The following GRIK3 variants were observed in gnomAD, a reference collection of about 807,000 sequenced individuals.
GRIK3 encodes glutamate ionotropic receptor kainate type subunit 3.
Under a neutral mutation model 102.5 loss-of-function variants are expected in GRIK3, and 29 were observed. The observed-to-expected ratio is 0.28, with a 90% CI of 0.21 to 0.39. The LOEUF (loss-of-function observed/expected upper bound fraction) is 0.39. Ranked by LOEUF, GRIK3 falls within the 10% of genes least tolerant of loss-of-function variation. The pLI, the probability that GRIK3 is intolerant of heterozygous loss-of-function variation, is 1.00. For missense variants in GRIK3, 908 were observed against 1,252.4 expected, an observed-to-expected ratio of 0.73 and a Z score of 4.15; for synonymous variants, 511 against 504.9, an observed-to-expected ratio of 1.01 and a Z score of -0.16.
chr1:36,825,862 G>T, intron 10 of GRIK3, 36 bp from the exon 11 acceptor site: 1 of 1,450,566 alleles, frequency 6.9e-7, no homozygotes, highest in Non-Finnish European at 9.5e-7. Context: ...CAGACTATGA[G>T]CAAAGTCTCA....
At position 36,825,624 on chromosome 1, in the gene GRIK3, C is replaced by T. The variant is rs373553408; in HGVS notation, c.1733G>A (p.Cys578Tyr). The change falls in exon 11 of 16, where the codon TGT becomes TAT. Residue 578 changes from cysteine to tyrosine, a missense_variant. Physicochemically the swap from Cys to Tyr is radical, Grantham distance 194. Around this residue, in one of 3 missense-constraint regions of GRIK3, gnomAD observed 585 missense variants for 824.9 expected, o/e 0.71. Coordinates refer to ENST00000373091, the MANE Select transcript of GRIK3 (RefSeq NM_000831.4). ...TTACCTGGCGATGACGAAGAGGACA[C>T]AGCTGACCCCCAGGTAGGCGAGGAG... Reference protein sequence around the residue: ...YVLLAYLGVSCVLFVIARFSP... With the variant: ...YVLLAYLGVSYVLFVIARFSP... 1.3e-6 allele frequency: 2 copies of T among 1,597,962 alleles called. No homozygotes were observed. Among genetic ancestry groups the T allele is most frequent in the African/African-American group, 2.7e-5 (2 of 74,536 alleles).
chr1:36,813,463 C>T (rs906186844), intron 13 of GRIK3, among the ~76,000 whole-genome samples: 1 of 152,204 alleles, frequency 6.6e-6, no homozygotes, highest in African/African-American at 2.4e-5. Flanking sequence ...GGGAAGACCA[C>T]CTCTCTAGGA....
At chr1:37,003,348 C>T (rs1363491344) in intron 1 of GRIK3, among the ~76,000 whole-genome samples, 1 of 152,002 alleles carries the variant, frequency 6.6e-6, no homozygotes, top group African/African-American at 2.4e-5. Flanking sequence ...AAAATTAAGC[C>T]CAGCCAATGG....
At chr1:37,001,930 A>C (rs1004346352) in intron 1 of GRIK3, among the ~76,000 whole-genome samples, 4 of 152,182 alleles carry the variant, frequency 2.6e-5, no homozygotes, top group African/African-American at 9.7e-5. Flanking sequence ...AGGCCTCACA[A>C]CTAGGGAGAG....
At chr1:36,996,958 G>A (rs997472624) in intron 1 of GRIK3, among the ~76,000 whole-genome samples, 7 of 152,184 alleles carry the variant, frequency 4.6e-5, no homozygotes, top group African/African-American at 1.2e-4. Flanking sequence ...GGGATGCTGC[G>A]AAGCATTCTA....
At chr1:36,967,057 T>C (rs1301967527) in intron 1 of GRIK3, among the ~76,000 whole-genome samples, 1 of 152,222 alleles carries the variant, frequency 6.6e-6, no homozygotes, top group Non-Finnish European at 1.5e-5. Context: ...GGTCTTGTGT[T>C]GGGCCCCTTT....
chr1:36,813,791 TG>T (rs201779818), intron 13 of GRIK3, among the ~76,000 whole-genome samples: 2 of 118,060 alleles, frequency 1.7e-5, no homozygotes, highest in Admixed American at 8.5e-5. Flanking sequence ...TCATCTGAGG[TG>T]GGGGGGCAGT....
In GRIK3 at chr1:36,841,918, G is replaced by T. The variant is rs750144839; in HGVS notation, c.1348C>A (p.Arg450=). Residue 450 remains arginine (R), a synonymous_variant, in exon 10 of 16, where the codon CGG becomes AGG. Coordinates refer to ENST00000373091, the MANE Select transcript of GRIK3 (RefSeq NM_000831.4). ...CCGTATAGCGTCCTGTCTGATTTCC[G>T]AAACATGACGAAGGGCTCCTCCTGC... ...TVLEEPFVMF[R]KSDRTLYGND... 7 of 1,614,022 alleles carry T rather than the reference G, an allele frequency of 4.3e-6. No individual in the cohort carries two copies. Among genetic ancestry groups the T allele is most frequent in the Middle Eastern group, 1.6e-4 (1 of 6,080 alleles).
At chr1:36,837,210 G>A (rs1198150183) in intron 10 of GRIK3, among the ~76,000 whole-genome samples, 2 of 152,038 alleles carry the variant, frequency 1.3e-5, no homozygotes, top group Non-Finnish European at 2.9e-5. Flanking sequence ...CTAGAGCTCA[G>A]CCTCCAGCCC....
At chr1:36,950,608 G>A (rs1440528559) in intron 1 of GRIK3, among the ~76,000 whole-genome samples, 1 of 152,228 alleles carries the variant, frequency 6.6e-6, no homozygotes, top group East Asian at 1.9e-4. Flanking sequence ...TGTGCAGACG[G>A]TGGGGTGACA....
chr1:36,949,344 A>G (rs1641817675), intron 1 of GRIK3, among the ~76,000 whole-genome samples: 1 of 151,752 alleles, frequency 6.6e-6, no homozygotes, highest in South Asian at 2.1e-4. Flanking sequence ...GAGGGCCCTC[A>G]CTCTGTCTCT....
chr1:36,941,856 A>G (rs16823681), intron 1 of GRIK3, among the ~76,000 whole-genome samples: 2,861 of 152,282 alleles, frequency 0.019, 88 homozygotes, highest in African/African-American at 0.058. Context: ...ATTCCACTGC[A>G]ATATAAGCCC....
At chr1:36,886,619 T>C (rs146851745) in intron 2 of GRIK3, among the ~76,000 whole-genome samples, 178 of 152,284 alleles carry the variant, frequency 1.2e-3, no homozygotes, top group African/African-American at 4.1e-3. Flanking sequence ...CACAGGGACA[T>C]TGAGGGTTGC....
chr1:36,824,918 A>G (rs1642738779), intron 11 of GRIK3, among the ~76,000 whole-genome samples: 1 of 152,164 alleles, frequency 6.6e-6, no homozygotes, highest in Admixed American at 6.5e-5. Flanking sequence ...TCTTTAAGGG[A>G]GGCTGGAAGA....
intron 13 of GRIK3, among the ~76,000 whole-genome samples, chr1:36,811,178 C>T (rs1003107431): frequency 3.3e-5 from 5 of 151,896 alleles, no homozygotes; most frequent in Admixed American, 1.3e-4. Context: ...CATAGGTGGC[C>T]GGAGTCACTC....
intron 1 of GRIK3, among the ~76,000 whole-genome samples, chr1:37,033,184 G>C (rs490593): frequency 0.17 from 26,495 of 152,276 alleles, 3,290 homozygotes; most frequent in African/African-American, 0.34. Flanking sequence ...AAGAGTCTCC[G>C]GCGAGAAGAG....
intron 13 of GRIK3, 134 bp downstream of exon 13, chr1:36,816,926 G>C: frequency 1.5e-6 from 1 of 645,894 alleles, no homozygotes; most frequent in Admixed American, 2.7e-5. Flanking sequence ...CAAACACGGT[G>C]GGGCTGAGAG....
At chr1:36,905,324 T>A (rs1390137407) in intron 1 of GRIK3, among the ~76,000 whole-genome samples, 3 of 152,178 alleles carry the variant, frequency 2.0e-5, no homozygotes, top group African/African-American at 7.2e-5. Flanking sequence ...GATTAATTTA[T>A]AAATTTAATG....
At chr1:36,889,259 C>A (rs996149430) in intron 2 of GRIK3, among the ~76,000 whole-genome samples, 1 of 151,542 alleles carries the variant, frequency 6.6e-6, no homozygotes, top group African/African-American at 2.4e-5. Flanking sequence ...ATGAGTTGGC[C>A]AGGCAAAGGG....
Sources: allele counts gnomAD v4.1 joint callset (sites outside exome capture counted in the v4.1 genomes callset), GRCh38; gene constraint gnomAD v4.1.1; regional missense constraint gnomAD v4.1.1; transcripts MANE v1.5; gene names NCBI Gene and HGNC (gene_info 2026-07-23, HGNC 2026-07-21).